SYNPR: variants seen among roughly 807,000 people sequenced by gnomAD.
SYNPR encodes the protein synaptoporin.
In SYNPR, 23 loss-of-function variants were observed where a neutral mutation model predicts 32.9. The observed-to-expected ratio is 0.70, with a 90% confidence interval of 0.50 to 0.99. SYNPR has a LOEUF of 0.99. SYNPR is among the 50% of genes least tolerant of loss of function. The pLI is 0.00. For missense variants in SYNPR, 318 were observed against 349.3 expected (o/e 0.91, Z 0.71); for synonymous variants, 146 against 135.9 (o/e 1.07, Z -0.52).
intron 1 of SYNPR, among the ~76,000 whole-genome samples, chr3:63,246,437 G>A (rs986208490): frequency 2.6e-5 from 4 of 152,018 alleles, no homozygotes; most frequent in Admixed American, 6.6e-5. Flanking sequence ...TGGCACTGGA[G>A]GTGCAGTGAA....
intron 2 of SYNPR, among the ~76,000 whole-genome samples, chr3:63,403,406 A>G (rs1275838436): frequency 2.0e-5 from 3 of 150,076 alleles, no homozygotes; most frequent in Admixed American, 6.7e-5. Context: ...ATATATATAC[A>G]CACACACACA....
In SYNPR at chr3:63,344,510, A is replaced by T. The variant is rs189643160; in HGVS notation, c.84+65768A>T. ...TTAAATTCAATTCCTTATTTAATGT[A>T]TTAAAATCCCTGTGAGAAACAGGTG... On this transcript the variant is annotated intron_variant, in intron 2 of 5. Transcript: ENST00000478300. 5.4e-3 allele frequency among the ~76,000 whole-genome samples: 817 copies of T among 151,164 alleles called. 4 individuals carry two copies. The highest frequency in any genetic ancestry group is 8.3e-3 in the Non-Finnish European group (560 of 67,826).
intron 3 of SYNPR, among the ~76,000 whole-genome samples, chr3:63,522,900 A>C (rs897164519): frequency 2.0e-5 from 3 of 152,158 alleles, no homozygotes; most frequent in Non-Finnish European, 4.4e-5. Context: ...ATGCTCTTGG[A>C]GGGCTCTAGA....
chr3:63,514,927 CT>C (rs561086909), intron 3 of SYNPR, among the ~76,000 whole-genome samples: 112 of 152,178 alleles, frequency 7.4e-4, no homozygotes, highest in Admixed American at 3.1e-3. Flanking sequence ...AAGTTTAATG[CT>C]TTCCTTCCGT....
At chr3:63,234,599 G>C (rs1325585231) in intron 1 of SYNPR, among the ~76,000 whole-genome samples, 1 of 152,194 alleles carries the variant, frequency 6.6e-6, no homozygotes, top group Non-Finnish European at 1.5e-5. Context: ...GCAAATCTCA[G>C]CTATACAGAA....
intron 2 of SYNPR, among the ~76,000 whole-genome samples, chr3:63,340,164 G>A (rs917210886): frequency 6.6e-6 from 1 of 152,058 alleles, no homozygotes; most frequent in Non-Finnish European, 1.5e-5. Flanking sequence ...ATATTGCTGA[G>A]TAATAGTCCA....
At chr3:63,443,456 T>C in intron 2 of SYNPR, 1 of 1,607,592 alleles carries the variant, frequency 6.2e-7, no homozygotes, top group Non-Finnish European at 8.5e-7. Context: ...ATGTGTATGG[T>C]GATATTTGCT....
At chr3:63,240,665 G>A (rs573127922) in intron 1 of SYNPR, among the ~76,000 whole-genome samples, 29 of 152,164 alleles carry the variant, frequency 1.9e-4, no homozygotes, top group Non-Finnish European at 3.2e-4. Context: ...TGAATGAAGG[G>A]AGATATCCAT....
At chr3:63,476,537 C>A (rs934143238) in intron 2 of SYNPR, among the ~76,000 whole-genome samples, 6 of 152,156 alleles carry the variant, frequency 3.9e-5, no homozygotes, top group African/African-American at 7.2e-5. Context: ...CATCAAAGCA[C>A]CCATGGTGCA....
intron 2 of SYNPR, among the ~76,000 whole-genome samples, chr3:63,379,656 C>T (rs2087940793): frequency 6.6e-6 from 1 of 151,650 alleles, no homozygotes; most frequent in South Asian, 2.1e-4. Flanking sequence ...CTTTTGATTA[C>T]TGTTTGTATA....
At chr3:63,524,220 A>G (rs1312021041) in intron 3 of SYNPR, among the ~76,000 whole-genome samples, 1 of 152,186 alleles carries the variant, frequency 6.6e-6, no homozygotes, top group African/African-American at 2.4e-5. Flanking sequence ...AAACCATACA[A>G]AAAAGGTAGC....
At chr3:63,546,143 G>A (rs1348337101) in intron 3 of SYNPR, among the ~76,000 whole-genome samples, 9 of 152,036 alleles carry the variant, frequency 5.9e-5, no homozygotes, top group African/African-American at 1.4e-4. Context: ...ATTTGACAAC[G>A]TAGAGGCAGT....
At chr3:63,340,146 T>C (rs1414545354) in intron 2 of SYNPR, among the ~76,000 whole-genome samples, 1 of 152,176 alleles carries the variant, frequency 6.6e-6, no homozygotes, top group Non-Finnish European at 1.5e-5. Flanking sequence ...ATCCAAGTTA[T>C]TTTTTTAATA....
upstream of SYNPR, chr3:63,277,994 G>A (rs2086592698): frequency 6.6e-6 from 1 of 152,414 alleles, no homozygotes; most frequent in Admixed American, 6.5e-5. Flanking sequence ...CTGTTTGGAA[G>A]TCATCAGAAC....
chr3:63,492,737 G>T (rs1302923801), intron 3 of SYNPR, among the ~76,000 whole-genome samples: 3 of 152,144 alleles, frequency 2.0e-5, no homozygotes, highest in Non-Finnish European at 4.4e-5. Context: ...GCAGGCATGG[G>T]GGAGTGTGGT....
intron 4 of SYNPR, among the ~76,000 whole-genome samples, chr3:63,594,606 A>G (rs934434327): frequency 6.6e-6 from 1 of 152,158 alleles, no homozygotes; most frequent in African/African-American, 2.4e-5. Flanking sequence ...ATTTATCCCA[A>G]CTATAAAATG....
At position 63,455,972 on chromosome 3, in the gene SYNPR, T is replaced by A. The variant is rs114281164; in HGVS notation, c.85-24860T>A. 1.0e-2 allele frequency among the ~76,000 whole-genome samples: 1,518 copies of A among 152,120 alleles called. 28 individuals carry two copies. Among genetic ancestry groups the A allele is most frequent in the African/African-American group, 0.035 (1,456 of 41,500 alleles). Reference sequence around the variant, plus strand: ...CAAAAGAAAGAGGTTTAATGGACTATCAGTTCCACATGGCTGGGGAGGCCT... The same window carrying A: ...CAAAAGAAAGAGGTTTAATGGACTAACAGTTCCACATGGCTGGGGAGGCCT... On this transcript the variant is annotated intron_variant, in intron 2 of 5. Coordinates refer to ENST00000478300, the MANE Select transcript of SYNPR (RefSeq NM_001130003.2).
At chr3:63,589,043 T>C (rs1270162695) in intron 4 of SYNPR, among the ~76,000 whole-genome samples, 1 of 152,074 alleles carries the variant, frequency 6.6e-6, no homozygotes, top group African/African-American at 2.4e-5. Flanking sequence ...CATGCATTTT[T>C]CCTAGGAAAG....
chr3:63,261,387 T>TA (rs1176511438), intron 2 of SYNPR, among the ~76,000 whole-genome samples: 3 of 151,592 alleles, frequency 2.0e-5, no homozygotes, highest in Non-Finnish European at 4.4e-5. Context: ...TATGCAGCCA[T>TA]AAAAAATGAT....
Sources: gnomAD v4.1 joint callset for allele counts (sites outside exome capture counted in the v4.1 genomes callset) on GRCh38, gnomAD v4.1.1 for gene constraint, MANE v1.5 for transcripts, NCBI Gene and HGNC (gene_info 2026-07-23, HGNC 2026-07-21) for gene names.